The following THRAP3 variants were observed in gnomAD, a reference collection of about 807,000 sequenced individuals.
THRAP3 encodes thyroid hormone receptor associated protein 3.
Under a neutral mutation model 101.0 loss-of-function variants are expected in THRAP3, and 16 were observed. The observed-to-expected ratio is 0.16, with a 90% confidence interval of 0.11 to 0.24. The LOEUF (loss-of-function observed/expected upper bound fraction) is 0.24. Among genes scored for constraint, THRAP3 ranks in the 10% least tolerant of loss-of-function variants. The pLI is 1.00. For synonymous variants in THRAP3, 407 were observed against 422.6 expected (o/e 0.96, Z 0.45); for missense variants, 989 against 1,202.7 (o/e 0.82, Z 2.63).
At chr1:36,217,936 T>C in the THRAP3 span, among the ~76,000 whole-genome samples, 1 of 152,186 alleles carries the variant, frequency 6.6e-6, no homozygotes, top group Non-Finnish European at 1.5e-5. Context: ...CCTCTAACTG[T>C]TCATGTCTCT....
chr1:36,276,780 CG>C (rs1015051305), intron 2 of THRAP3, among the ~76,000 whole-genome samples: 2 of 151,484 alleles, frequency 1.3e-5, no homozygotes, highest in African/African-American at 4.9e-5. Flanking sequence ...TCACTTGAAC[CG>C]GGGAGGTGGA....
Position 36,249,686 on chromosome 1 carries a change from G to GAGTGTGTT in THRAP3, c.-134-9696_-134-9695insAGTGTGTT, listed in dbSNP as rs1491491842. Among the ~76,000 whole-genome samples, 12 of 2,044 alleles carry GAGTGTGTT rather than the reference G, an allele frequency of 5.9e-3. No individual in the cohort carries two copies. In the Non-Finnish European group the frequency reaches 0.062, roughly 10 times the overall value. The allele number at this position is 2,044 out of a possible 152,430, so 1.3% of individuals were successfully genotyped here. On this transcript the variant is annotated intron_variant, in intron 1 of 11. Coordinates refer to ENST00000354618, the MANE Select transcript of THRAP3 (RefSeq NM_005119.4). Reference sequence around the variant, plus strand: ...TTCGAATAAGCGAAGCAGGTGGTGAGTGTGTGTGTGTGTGTGTGTGTGTGT... The same window carrying GAGTGTGTT: ...TTCGAATAAGCGAAGCAGGTGGTGAGAGTGTGTTTGTGTGTGTGTGTGTGTGTGTGTGT...
rs568891225 is a variant in THRAP3 at position 36,235,155 on chromosome 1, A to AG, written c.-135+10657dup. ...GAGGTAGAAATCTCTGTCTAGCTGCAGGGGGGGTTATTGTGATGGTTAGAT... is the reference window on the plus strand; with the variant it reads ...GAGGTAGAAATCTCTGTCTAGCTGCAGGGGGGGGTTATTGTGATGGTTAGAT... On this transcript the variant is annotated intron_variant, in intron 1 of 11. Transcript: ENST00000354618. 1.6e-3 allele frequency among the ~76,000 whole-genome samples: 245 copies of AG among 151,676 alleles called. 1 individual carries two copies. The highest frequency in any genetic ancestry group is 5.8e-3 in the African/African-American group (237 of 41,042).
chr1:36,283,928 A>G (rs1570323916), intron 3 of THRAP3, among the ~76,000 whole-genome samples: 1 of 151,976 alleles, frequency 6.6e-6, no homozygotes, highest in East Asian at 1.9e-4. Flanking sequence ...GAAAAGGGAA[A>G]CCCTAAATTT....
intron 1 of THRAP3, among the ~76,000 whole-genome samples, chr1:36,226,886 G>C (rs964527537): frequency 2.0e-5 from 3 of 152,138 alleles, no homozygotes; most frequent in Admixed American, 2.0e-4. Flanking sequence ...AGGATTGTTG[G>C]GGGCGGGGAA....
At chr1:36,244,114 A>T (rs1006036110) in intron 1 of THRAP3, among the ~76,000 whole-genome samples, 4 of 152,340 alleles carry the variant, frequency 2.6e-5, no homozygotes, top group African/African-American at 9.6e-5. Flanking sequence ...AGAATGACCA[A>T]GTGGCCTTGT....
chr1:36,243,934 C>G (rs1271125287), intron 1 of THRAP3, among the ~76,000 whole-genome samples: 4 of 111,438 alleles, frequency 3.6e-5, no homozygotes, highest in African/African-American at 1.4e-4. Flanking sequence ...CTGACCCCCC[C>G]ACCTCCCTCC....
chr1:36,278,382 C>G (rs536426632), intron 2 of THRAP3, among the ~76,000 whole-genome samples: 1 of 152,012 alleles, frequency 6.6e-6, no homozygotes, highest in South Asian at 2.1e-4. Flanking sequence ...GGGTTTTGAC[C>G]GTAAATGTAA....
intron 2 of THRAP3, among the ~76,000 whole-genome samples, chr1:36,263,414 T>A (rs1033913224): frequency 6.6e-6 from 1 of 152,172 alleles, no homozygotes; most frequent in East Asian, 1.9e-4. Context: ...ATTCCATTTT[T>A]AAAAATAGTT....
At chr1:36,210,162 C>T in the THRAP3 span, among the ~76,000 whole-genome samples, 7 of 149,752 alleles carry the variant, frequency 4.7e-5, no homozygotes, top group South Asian at 4.2e-4. Flanking sequence ...GTCAGAAGAT[C>T]GAGACCATCC....
chr1:36,280,008 G>A (rs1645711219), intron 2 of THRAP3, among the ~76,000 whole-genome samples: 1 of 152,178 alleles, frequency 6.6e-6, no homozygotes, highest in Non-Finnish European at 1.5e-5. Context: ...GGTGAGGCTG[G>A]GCGGGGTGGC....
chr1:36,213,642 T>A, the THRAP3 span, among the ~76,000 whole-genome samples: 1 of 151,914 alleles, frequency 6.6e-6, no homozygotes, highest in East Asian at 1.9e-4. Context: ...GGTCAGGAGT[T>A]CGAGACCAGT....
At chr1:36,213,177 T>C in the THRAP3 span, among the ~76,000 whole-genome samples, 1 of 152,184 alleles carries the variant, frequency 6.6e-6, no homozygotes, top group Non-Finnish European at 1.5e-5. Flanking sequence ...ATGCAGGGCC[T>C]TGTAGATTAC....
In THRAP3 at chr1:36,296,250, AGGCGT is replaced by A. The variant is rs1645949991; in HGVS notation, c.2116-331_2116-327del. ...CGGCCTCCCAAAGTTCTGGGATTAC[AGGCGT>A]GAGCCACTGCACCTGGCCAGCCTTC... is the stretch of plus-strand genomic sequence containing the variant. On this transcript the variant is annotated intron_variant, in intron 8 of 11. Coordinates refer to ENST00000354618, the MANE Select transcript of THRAP3 (RefSeq NM_005119.4). Among the ~76,000 whole-genome samples the A allele has an allele frequency of 2.0e-5, 3 of 152,196 alleles. No homozygotes were observed. The South Asian group carries it at 6.2e-4, about 31-fold the overall frequency.
intron 7 of THRAP3, 144 bp from the exon 8 acceptor site, chr1:36,293,705 TAA>T: frequency 3.5e-6 from 2 of 569,816 alleles, no homozygotes; most frequent in South Asian, 2.0e-5. Flanking sequence ...TATAAGTATA[TAA>T]GAGTAAAAGT....
rs188456529 is a variant in THRAP3, at chr1:36,244,493, T to C, written c.-134-14889T>C. 3.2e-3 allele frequency among the ~76,000 whole-genome samples: 488 copies of C among 152,366 alleles called. 4 individuals carry two copies. The highest frequency in any genetic ancestry group is 0.011 in the African/African-American group (469 of 41,602). ...CTAAATTATACCTTCTTCTTAGCTT[T>C]ACTATACTTAGTGTCAAACTGATTT... On this transcript the variant is annotated intron_variant, in intron 1 of 11. Transcript: ENST00000354618.
intron 2 of THRAP3, among the ~76,000 whole-genome samples, chr1:36,261,645 T>C (rs896196396): frequency 5.3e-5 from 8 of 152,206 alleles, no homozygotes; most frequent in Non-Finnish European, 1.0e-4. Flanking sequence ...GTATCTGGAC[T>C]AAGTTCTGGT....
Position 36,292,509 on chromosome 1 carries a change from A to G in THRAP3, c.1919-89A>G, listed in dbSNP as rs965508359. The G allele has an allele frequency of 1.4e-5, 12 of 885,468 alleles. No homozygotes were observed. The African/African-American group carries it at 1.9e-4, about 14-fold the overall frequency. 54.9% of individuals were successfully genotyped at this position (885,468 alleles called of 1,614,324 possible). A position where few individuals can be genotyped will look rare whatever the true frequency, so the allele number is the denominator to read the frequency against. On this transcript the variant is annotated intron_variant, in intron 6 of 11. Transcript: ENST00000354618. ...ATGGTCTCGATCTCTTGACCTCGTG[A>G]TCTGCCCACCTCGGCCTCCGAAAGT...
Position 36,300,881 on chromosome 1 carries a change from C to T in THRAP3, c.2304-5C>T. On this transcript the variant is annotated splice_region_variant and splice_polypyrimidine_tract_variant and intron_variant, in intron 9 of 11. Coordinates refer to ENST00000354618, the MANE Select transcript of THRAP3 (RefSeq NM_005119.4). Reference sequence around the variant, plus strand: ...TTGATCACCCTGGCTCTTCTCTTTTCACAGGAAGCATCGGAGAGCAAGAGA... The same window carrying T: ...TTGATCACCCTGGCTCTTCTCTTTTTACAGGAAGCATCGGAGAGCAAGAGA... 1 of 1,612,562 alleles carries T rather than the reference C, an allele frequency of 6.2e-7. No homozygotes were observed. The highest frequency in any genetic ancestry group is 8.5e-7 in the Non-Finnish European group (1 of 1,179,784).
Sources: allele counts gnomAD v4.1 joint callset (sites outside exome capture counted in the v4.1 genomes callset), GRCh38; gene constraint gnomAD v4.1.1; transcripts MANE v1.5; gene names NCBI Gene and HGNC (gene_info 2026-07-23, HGNC 2026-07-21).